Variants in AMMECR1L observed in about 807,000 individuals in gnomAD.
AMMECR1L encodes AMMECR1-like protein.
In AMMECR1L, 4 loss-of-function variants were observed where a neutral mutation model predicts 36.8. The observed-to-expected ratio is 0.11, with a 90% CI of 0.05 to 0.25. The LOEUF is 0.25. Ranked by LOEUF, AMMECR1L falls within the 10% of genes least tolerant of loss-of-function variation. AMMECR1L has a pLI of 1.00. For synonymous variants in AMMECR1L, 147 were observed against 148.0 expected (o/e 0.99, Z 0.05); for missense variants, 232 against 392.1 (o/e 0.59, Z 3.45).
Position 127,869,571 on chromosome 2 carries a change from A to G in AMMECR1L, c.634-27T>C. The G allele has an allele frequency of 6.4e-7, 1 of 1,574,768 alleles. No individual in the cohort carries two copies. The highest frequency in any genetic ancestry group is 1.1e-5 in the South Asian group (1 of 90,204). On this transcript the variant is annotated intron_variant, in intron 5 of 7. Transcript: ENST00000272647. The surrounding 1 kb of genome is among the most constrained non-coding windows in gnomAD (Gnocchi z 4.7). ...TATAGAAAAAAGTACAACCAAGTAA[A>G]TGGCATTTACTTACTCTAATGGAAC...
chr2:127,876,192 T>TA (rs557782825), intron 2 of AMMECR1L, among the ~76,000 whole-genome samples: 2 of 150,980 alleles, frequency 1.3e-5, no homozygotes, highest in Non-Finnish European at 3.0e-5. Context: ...CTACAAAAAA[T>TA]AAAAAAAATT....
chr2:127,870,697 A>G (rs1690925561), intron 5 of AMMECR1L, 117 bp downstream of exon 5: 1 of 767,076 alleles, frequency 1.3e-6, no homozygotes, highest in Admixed American at 3.1e-5. Context: ...AATTGGTTCC[A>G]AACTCAGCCT....
At chr2:127,877,438 C>A (rs992587934) in intron 2 of AMMECR1L, among the ~76,000 whole-genome samples, 1 of 151,662 alleles carries the variant, frequency 6.6e-6, no homozygotes, top group Non-Finnish European at 1.5e-5. Context: ...CAGGTTCAAG[C>A]AATTCTCCTT....
intron 7 of AMMECR1L, among the ~76,000 whole-genome samples, chr2:127,866,545 C>T (rs1304855459): frequency 2.0e-5 from 3 of 152,240 alleles, no homozygotes; most frequent in Non-Finnish European, 4.4e-5. Flanking sequence ...CGTCTGACTA[C>T]ATGTGCAGTC....
At position 127,873,285 on chromosome 2, in the gene AMMECR1L, A is replaced by C; in HGVS notation, c.407+543T>G. 5.1e-6 allele frequency: 5 copies of C among 985,502 alleles called. No individual in the cohort carries two copies. The highest frequency in any genetic ancestry group is 6.0e-6 in the Non-Finnish European group (5 of 829,944). 61.0% of individuals were successfully genotyped at this position (985,502 alleles called of 1,614,324 possible). A position where few individuals can be genotyped will look rare whatever the true frequency, so the allele number is the denominator to read the frequency against. On this transcript the variant is annotated intron_variant, in intron 3 of 7. Coordinates refer to ENST00000272647, the MANE Select transcript of AMMECR1L (RefSeq NM_001199140.2). This position sits in a 1 kb window ranked among gnomAD's most constrained non-coding sequence, Gnocchi z 5.2. Reference sequence around the variant, plus strand: ...ACCAGTAGAGGGCTTGGGACAAGCAACAAAGAATCTTGAACTAAAAATACT... The same window carrying C: ...ACCAGTAGAGGGCTTGGGACAAGCACCAAAGAATCTTGAACTAAAAATACT...
chr2:127,869,857 A>C lies in AMMECR1L; in HGVS notation c.634-313T>G, dbSNP rs1040014873. Among the ~76,000 whole-genome samples the C allele has an allele frequency of 1.3e-4, 20 of 152,378 alleles. No homozygotes were observed. Among genetic ancestry groups the C allele is most frequent in the African/African-American group, 4.8e-4 (20 of 41,588 alleles). ...CTATTCCATTAAATAAACATGCCACAAGGTTTTTATCTGGGGTCATGATCC... is the reference window on the plus strand; with the variant it reads ...CTATTCCATTAAATAAACATGCCACCAGGTTTTTATCTGGGGTCATGATCC... On this transcript the variant is annotated intron_variant, in intron 5 of 7. Transcript: ENST00000272647. The surrounding 1 kb of genome is among the most constrained non-coding windows in gnomAD (Gnocchi z 4.7).
In AMMECR1L at chr2:127,874,755, T is replaced by C. The variant is rs1159465547; in HGVS notation, c.-38-483A>G. ...GTATTTTCCTCATCACTAACTACAA[T>C]CTATCTTCGTACTTTCAGCCCCAAA... On this transcript the variant is annotated intron_variant, in intron 2 of 7. Transcript: ENST00000272647. The surrounding 1 kb of genome is among the most constrained non-coding windows in gnomAD (Gnocchi z 5.2). 6.6e-6 allele frequency among the ~76,000 whole-genome samples: 1 copy of C among 152,202 alleles called. No homozygotes were observed. The highest frequency in any genetic ancestry group is 1.5e-5 in the Non-Finnish European group (1 of 68,042).
chr2:127,885,383 G>T, intron 1 of AMMECR1L: 1 of 980,608 alleles, frequency 1.0e-6, no homozygotes, highest in Non-Finnish European at 1.2e-6. Context: ...CCGAGCCGCG[G>T]GGGTGGAATC....
In AMMECR1L at chr2:127,864,726, G is replaced by A. The variant is rs1478575033; in HGVS notation, c.*368C>T. The A allele has an allele frequency of 6.1e-6, 1 of 162,986 alleles. No individual in the cohort carries two copies. Among genetic ancestry groups the A allele is most frequent in the Non-Finnish European group, 1.3e-5 (1 of 75,118 alleles). The allele number at this position is 162,986 out of a possible 1,614,324, so 10.1% of individuals were successfully genotyped here. On this transcript the variant is annotated 3_prime_UTR_variant, in exon 8 of 8. Transcript: ENST00000272647. ...TCATCTGGGGAGGCTGCAGGGGTGT[G>A]TGTGGGTTCAACCTTCAGGGATCAT... is the stretch of plus-strand genomic sequence containing the variant.
Position 127,865,239 on chromosome 2 carries a change from C to A in AMMECR1L, c.822-34G>T. 2 of 1,470,062 alleles carry A rather than the reference C, an allele frequency of 1.4e-6. No homozygotes were observed. The highest frequency in any genetic ancestry group is 1.9e-6 in the Non-Finnish European group (2 of 1,067,404). The allele number at this position is 1,470,062 out of a possible 1,614,324, so 91.1% of individuals were successfully genotyped here. On this transcript the variant is annotated intron_variant, in intron 7 of 7. Transcript: ENST00000272647. The surrounding 1 kb of genome is among the most constrained non-coding windows in gnomAD (Gnocchi z 5.4). ...GGAAACAGGAAAGGGTATTAGGAAC[C>A]CCAAACGCTTCATTTTGTAAAGTCA... is the stretch of plus-strand genomic sequence containing the variant.
chr2:127,882,770 A>AT (rs796171753), intron 2 of AMMECR1L, among the ~76,000 whole-genome samples: 1 of 148,266 alleles, frequency 6.7e-6, no homozygotes, highest in Admixed American at 6.8e-5. Context: ...ATTTTTAAAA[A>AT]TTTTTTCCTT....
chr2:127,874,861 C>G lies in AMMECR1L; in HGVS notation c.-38-589G>C, dbSNP rs970967741. On this transcript the variant is annotated intron_variant, in intron 2 of 7. Coordinates refer to ENST00000272647, the MANE Select transcript of AMMECR1L (RefSeq NM_001199140.2). The surrounding 1 kb of genome is among the most constrained non-coding windows in gnomAD (Gnocchi z 5.2). ...ACACAAGGCTCCCACCTTTCTGTCT[C>G]TGCAGCTCTCCTCCTCCAGCCCCCT... is the stretch of plus-strand genomic sequence containing the variant. 2.0e-5 allele frequency among the ~76,000 whole-genome samples: 3 copies of G among 152,232 alleles called. No homozygotes were observed. The highest frequency in any genetic ancestry group is 4.8e-5 in the African/African-American group (2 of 41,466).
chr2:127,884,040 T>C (rs1691642316), intron 2 of AMMECR1L, among the ~76,000 whole-genome samples, 163 bp downstream of exon 2: 2 of 152,114 alleles, frequency 1.3e-5, no homozygotes, highest in Non-Finnish European at 2.9e-5. Flanking sequence ...TTTAAATTAT[T>C]TTAAAAGGGA....
Position 127,871,317 on chromosome 2 carries a change from A to G in AMMECR1L, c.450T>C (p.Leu150=). The G allele has an allele frequency of 1.9e-6, 3 of 1,614,180 alleles. No homozygotes were observed. Among genetic ancestry groups the G allele is most frequent in the Non-Finnish European group, 2.5e-6 (3 of 1,180,040 alleles). The change falls in exon 4 of 8, where the codon CTT becomes CTC. Residue 150 remains leucine (L), a synonymous_variant. Coordinates refer to ENST00000272647, the MANE Select transcript of AMMECR1L (RefSeq NM_001199140.2). The surrounding 1 kb of genome is among the most constrained non-coding windows in gnomAD (Gnocchi z 4.3). The part of the protein sequence containing the change: ...VTWKTGRDKR[L]RGCIGTFSAM... ...CTGAGAAGGTCCCAATGCAGCCACGAAGCCGCTTGTCCCGCCCTGTCTTCC... is the reference window on the plus strand; with the variant it reads ...CTGAGAAGGTCCCAATGCAGCCACGGAGCCGCTTGTCCCGCCCTGTCTTCC...
chr2:127,869,651 G>T lies in AMMECR1L; in HGVS notation c.634-107C>A. The T allele has an allele frequency of 1.1e-6, 1 of 896,990 alleles. No individual in the cohort carries two copies. The highest frequency in any genetic ancestry group is 2.5e-5 in the East Asian group (1 of 39,362). 55.6% of individuals were successfully genotyped at this position (896,990 alleles called of 1,614,324 possible). On this transcript the variant is annotated intron_variant, in intron 5 of 7. Coordinates refer to ENST00000272647, the MANE Select transcript of AMMECR1L (RefSeq NM_001199140.2). The surrounding 1 kb of genome is among the most constrained non-coding windows in gnomAD (Gnocchi z 4.7). The stretch of plus-strand genomic sequence containing the variant: ...TCCCTGACCAGCTTAACACAGGCCT[G>T]GAAAAGGGAGACCTTCTCGCATTTC...
Position 127,873,065 on chromosome 2 carries a change from T to C in AMMECR1L, c.407+763A>G. On this transcript the variant is annotated intron_variant, in intron 3 of 7. Transcript: ENST00000272647. The surrounding 1 kb of genome is among the most constrained non-coding windows in gnomAD (Gnocchi z 5.2). ...CAGCCAAGGTTTTGTAGTCTCCGTA[T>C]GGCAATCAACAACTGAGGAATGAAT... is the stretch of plus-strand genomic sequence containing the variant. 1 of 985,404 alleles carries C rather than the reference T, an allele frequency of 1.0e-6. No homozygotes were observed. The highest frequency in any genetic ancestry group is 1.2e-6 in the Non-Finnish European group (1 of 829,930). 61.0% of individuals were successfully genotyped at this position (985,404 alleles called of 1,614,324 possible).
At chr2:127,876,530 T>C (rs542819236) in intron 2 of AMMECR1L, among the ~76,000 whole-genome samples, 2 of 152,254 alleles carry the variant, frequency 1.3e-5, no homozygotes, top group East Asian at 1.9e-4. Flanking sequence ...TGACCATGGA[T>C]GTCACTGTCT....
chr2:127,873,505 GCGT>G lies in AMMECR1L; in HGVS notation c.407+320_407+322del. On this transcript the variant is annotated intron_variant, in intron 3 of 7. Coordinates refer to ENST00000272647, the MANE Select transcript of AMMECR1L (RefSeq NM_001199140.2). The surrounding 1 kb of genome is among the most constrained non-coding windows in gnomAD (Gnocchi z 5.2). Reference sequence around the variant, plus strand: ...CACTATGGGTGTCCCCAATGGTATGGCGTGACTTCCCCACTTGAGAGGTTAAAT... The same window carrying G: ...CACTATGGGTGTCCCCAATGGTATGGGACTTCCCCACTTGAGAGGTTAAAT... 1 of 985,422 alleles carries G rather than the reference GCGT, an allele frequency of 1.0e-6. No individual in the cohort carries two copies. The highest frequency in any genetic ancestry group is 1.2e-6 in the Non-Finnish European group (1 of 829,932). 61.0% of individuals were successfully genotyped at this position (985,422 alleles called of 1,614,324 possible).
At chr2:127,879,159 C>G (rs1293373941) in intron 2 of AMMECR1L, among the ~76,000 whole-genome samples, 1 of 152,170 alleles carries the variant, frequency 6.6e-6, no homozygotes, top group African/African-American at 2.4e-5. Context: ...TAACTTGATA[C>G]AGTTTGCGTG....
Sources: allele counts gnomAD v4.1 joint callset (sites outside exome capture counted in the v4.1 genomes callset), GRCh38; gene constraint gnomAD v4.1.1; non-coding constraint Gnocchi (gnomAD v3.1); transcripts MANE v1.5; gene names NCBI Gene and HGNC (gene_info 2026-07-23, HGNC 2026-07-21).